The following P2RY8 variants were observed in gnomAD, a reference collection of about 807,000 sequenced individuals.
P2RY8 encodes P2Y receptor family member 8.
P2RY8 carries 6 observed loss-of-function variants against 10.0 expected under a neutral mutation model. That is an observed-to-expected ratio of 0.60 (90% CI 0.33 to 1.19). P2RY8 has a LOEUF of 1.19. P2RY8 is among the 50% of genes most tolerant of loss of function. P2RY8 has a pLI of 0.04. For synonymous variants in P2RY8, 276 were observed against 252.5 expected, an observed-to-expected ratio of 1.09 and a Z score of -0.88; for missense variants, 456 against 542.0, an observed-to-expected ratio of 0.84 and a Z score of 1.58.
At position 1,464,048 on chromosome X, in the gene P2RY8, G is replaced by C. The variant is rs1442029080; in HGVS notation, c.*1431C>G. On this transcript the variant is annotated 3_prime_UTR_variant, in exon 2 of 2. Coordinates refer to ENST00000381297, the MANE Select transcript of P2RY8 (RefSeq NM_178129.5). Reference sequence around the variant, plus strand: ...ACGGCAGGAGAGAGGCACCAATAGAGGGCCTCCGAACAGCAGCTTCAGCCT... The same window carrying C: ...ACGGCAGGAGAGAGGCACCAATAGACGGCCTCCGAACAGCAGCTTCAGCCT... The C allele has an allele frequency of 8.6e-6, 2 of 233,146 alleles. No homozygotes were observed. Among genetic ancestry groups the C allele is most frequent in the Admixed American group, 1.1e-4 (2 of 17,780 alleles). The allele number at this position is 233,146 out of a possible 1,614,324, so 14.4% of individuals were successfully genotyped here. A position where few individuals can be genotyped will look rare whatever the true frequency, so the allele number is the denominator to read the frequency against.
chrX:1,513,712 A>C (rs1170735490), intron 1 of P2RY8, among the ~76,000 whole-genome samples: 1 of 149,988 alleles, frequency 6.7e-6, no homozygotes, highest in Non-Finnish European at 1.5e-5. Context: ...GGTGGCCACT[A>C]TTCAATCCAC....
intron 1 of P2RY8, among the ~76,000 whole-genome samples, chrX:1,513,301 T>C (rs1213915272): frequency 6.6e-6 from 1 of 152,130 alleles, no homozygotes; most frequent in African/African-American, 2.4e-5. Flanking sequence ...CCCAAGTCTT[T>C]GCTATTGTAA....
intron 1 of P2RY8, among the ~76,000 whole-genome samples, chrX:1,476,133 C>A (rs1481577777): frequency 1.3e-5 from 2 of 152,152 alleles, no homozygotes; most frequent in African/African-American, 4.8e-5. Context: ...CAGGTATACA[C>A]CTGGTGCTGA....
At chrX:1,468,557 C>G (rs183304837) in intron 1 of P2RY8, among the ~76,000 whole-genome samples, 311 of 152,172 alleles carry the variant, frequency 2.0e-3, no homozygotes, top group African/African-American at 7.1e-3. Context: ...GGTTTGGGCC[C>G]CGCCGGGGCT....
At chrX:1,507,128 G>A (rs2092241794) in intron 1 of P2RY8, among the ~76,000 whole-genome samples, 1 of 151,808 alleles carries the variant, frequency 6.6e-6, no homozygotes, top group African/African-American at 2.4e-5. Context: ...GTCCTCATGG[G>A]CCCCAAAGTT....
At chrX:1,518,918 T>C (rs1470580563) in intron 1 of P2RY8, among the ~76,000 whole-genome samples, 1 of 151,958 alleles carries the variant, frequency 6.6e-6, no homozygotes, top group Non-Finnish European at 1.5e-5. Context: ...TCCCCAATCA[T>C]CTCCTTGGCC....
intron 1 of P2RY8, among the ~76,000 whole-genome samples, chrX:1,516,425 C>A (rs1287143049): frequency 6.9e-6 from 1 of 145,080 alleles, no homozygotes; most frequent in Admixed American, 6.8e-5. Context: ...AGACTTCCAG[C>A]CTCCAGGACT....
chrX:1,537,055 G>T lies in P2RY8; in HGVS notation c.-159C>A. ...GCCAGCCACCAGCTTGCAAGCCGTG[G>T]TCACTCAAAGTGCTTGAGAAGGTGT... On this transcript the variant is annotated 5_prime_UTR_variant, in exon 1 of 2. Coordinates refer to ENST00000381297, the MANE Select transcript of P2RY8 (RefSeq NM_178129.5). The T allele has an allele frequency of 4.3e-6, 1 of 232,670 alleles. No homozygotes were observed. The highest frequency in any genetic ancestry group is 6.1e-5 in the East Asian group (1 of 16,516). The allele number at this position is 232,670 out of a possible 1,614,324, so 14.4% of individuals were successfully genotyped here. A position where few individuals can be genotyped will look rare whatever the true frequency, so the allele number is the denominator to read the frequency against.
At position 1,465,999 on chromosome X, in the gene P2RY8, A is replaced by G. The variant is rs1257875348; in HGVS notation, c.560T>C (p.Val187Ala). ...GAAGAGGAACACGGCCCACATGGCC[A>G]CGCTGGGGAGCATCGTCCACTTGAG... ...DVLKWTMLPSVAMWAVFLFTI... is the reference protein window; with the variant it reads ...DVLKWTMLPSAAMWAVFLFTI... Residue 187 changes from valine to alanine, a missense_variant, in exon 2 of 2, where the codon GTG becomes GCG. Coordinates refer to ENST00000381297, the MANE Select transcript of P2RY8 (RefSeq NM_178129.5). 6.2e-7 allele frequency: 1 copy of G among 1,612,094 alleles called. No individual in the cohort carries two copies. Among genetic ancestry groups the G allele is most frequent in the African/African-American group, 1.3e-5 (1 of 74,886 alleles).
chrX:1,507,672 A>G (rs2092247642), intron 1 of P2RY8, among the ~76,000 whole-genome samples: 1 of 151,556 alleles, frequency 6.6e-6, no homozygotes, highest in Non-Finnish European at 1.5e-5. Context: ...GCGACGCGCG[A>G]TTTCCGCCCC....
chrX:1,518,917 A>T (rs71212466), intron 1 of P2RY8, among the ~76,000 whole-genome samples: 14,763 of 151,732 alleles, frequency 0.097, 812 homozygotes, highest in Middle Eastern at 0.14. Context: ...ATCCCCAATC[A>T]TCTCCTTGGC....
At chrX:1,475,288 T>A (rs1295786860) in intron 1 of P2RY8, among the ~76,000 whole-genome samples, 7 of 139,800 alleles carry the variant, frequency 5.0e-5, no homozygotes, top group Non-Finnish European at 1.1e-4. Context: ...GGTAGATGGG[T>A]GGGTGGGTAG....
chrX:1,512,544 C>T (rs1191113668), intron 1 of P2RY8, among the ~76,000 whole-genome samples: 7 of 25,780 alleles, frequency 2.7e-4, no homozygotes, highest in Admixed American at 1.3e-3. Context: ...GAGACTCCGT[C>T]TCAAAAAAAA....
At chrX:1,509,699 TCCA>T (rs2092279872) in intron 1 of P2RY8, among the ~76,000 whole-genome samples, 30 of 127,570 alleles carry the variant, frequency 2.4e-4, no homozygotes, top group East Asian at 4.2e-4. Context: ...CATCCATCCA[TCCA>T]TCCATTTATT....
intron 1 of P2RY8, among the ~76,000 whole-genome samples, chrX:1,508,383 C>G (rs1427925046): frequency 2.6e-5 from 4 of 152,148 alleles, no homozygotes. Flanking sequence ...CCCAGGGACA[C>G]CGTTCAACAC....
intron 1 of P2RY8, among the ~76,000 whole-genome samples, chrX:1,536,474 A>C (rs2092528094): frequency 6.6e-6 from 1 of 151,730 alleles, no homozygotes. Context: ...GTTAGCCAGG[A>C]TGGTCTCGAA....
chrX:1,524,394 C>CA (rs1470975771), intron 1 of P2RY8, among the ~76,000 whole-genome samples: 1 of 136,666 alleles, frequency 7.3e-6, no homozygotes, highest in Non-Finnish European at 1.6e-5. Flanking sequence ...TCCATCCATC[C>CA]CTCCATCCAT....
At chrX:1,504,510 G>C (rs2092211919) in intron 1 of P2RY8, among the ~76,000 whole-genome samples, 1 of 152,048 alleles carries the variant, frequency 6.6e-6, no homozygotes, top group Non-Finnish European at 1.5e-5. Flanking sequence ...GCTACCATAA[G>C]GATCCCACGT....
intron 1 of P2RY8, among the ~76,000 whole-genome samples, chrX:1,508,501 T>G (rs1447133617): frequency 1.3e-5 from 2 of 152,092 alleles, no homozygotes; most frequent in African/African-American, 4.8e-5. Context: ...CATGAGAGAC[T>G]CCTTATATTG....
Sources: allele counts gnomAD v4.1 joint callset (sites outside exome capture counted in the v4.1 genomes callset), GRCh38; gene constraint gnomAD v4.1.1; transcripts MANE v1.5; gene names NCBI Gene and HGNC (gene_info 2026-07-23, HGNC 2026-07-21).